The following PRR3 variants were observed in gnomAD, a reference collection of about 807,000 sequenced individuals.
The protein encoded by PRR3 is proline rich 3.
Under a neutral mutation model 22.4 loss-of-function variants are expected in PRR3, and 16 were observed. That is an observed-to-expected ratio of 0.71 (90% CI 0.48 to 1.09). The LOEUF (loss-of-function observed/expected upper bound fraction) is 1.09. PRR3 is among the 50% of genes least tolerant of loss of function. PRR3 has a pLI of 0.00. For synonymous variants in PRR3, 87 were observed against 88.6 expected, an observed-to-expected ratio of 0.98 and a Z score of 0.10; for missense variants, 224 against 243.4, an observed-to-expected ratio of 0.92 and a Z score of 0.53.
In PRR3 at chr6:30,558,182, G is replaced by A. The variant is rs553749642; in HGVS notation, c.139G>A (p.Ala47Thr). 3 of 1,612,982 alleles carry A rather than the reference G, an allele frequency of 1.9e-6. No individual in the cohort carries two copies. Among genetic ancestry groups the A allele is most frequent in the Admixed American group, 3.3e-5 (2 of 60,026 alleles). ...PPSLLGPPPM[A>T]NGKPGDPKSA... ...CAGCCTTCTGGGCCCTCCCCCCATG[G>A]CCAATGGAAAACCTGGCGACCCTAA... Residue 47 changes from alanine to threonine, a missense_variant, in exon 2 of 4, where the codon GCC becomes ACC. By Grantham distance (58) the Ala-to-Thr change is moderately conservative (BLOSUM62 0). Transcript: ENST00000376560.
At chr6:30,556,911 G>T, upstream of PRR3, 2 of 607,484 alleles carry the variant, frequency 3.3e-6, no homozygotes, top group South Asian at 3.9e-5. This position sits in a 1 kb window ranked among gnomAD's most constrained non-coding sequence, Gnocchi z 5.7. Flanking sequence ...AGGACTTTTG[G>T]GGGGAGGTCA....
In PRR3 at chr6:30,561,897, C is replaced by T; in HGVS notation, c.233C>T (p.Pro78Leu). 1 of 1,609,928 alleles carries T rather than the reference C, an allele frequency of 6.2e-7. No homozygotes were observed. The highest frequency in any genetic ancestry group is 8.5e-7 in the Non-Finnish European group (1 of 1,178,640). The change falls in exon 3 of 4, where the codon CCT becomes CTT. Residue 78 changes from proline to leucine, a missense_variant. Coordinates refer to ENST00000376560, the MANE Select transcript of PRR3 (RefSeq NM_025263.4). The surrounding 1 kb of genome is among the most constrained non-coding windows in gnomAD (Gnocchi z 4.0). ...PLIPPLLSLP[P>L]PPWGRGPIRR... ...ATTCCACCACTGCTGAGTCTCCCAC[C>T]TCCTCCTTGGGGTAGAGGCCCAATT... is the stretch of plus-strand genomic sequence containing the variant.
chr6:30,559,120 G>A (rs1800455477), intron 2 of PRR3, among the ~76,000 whole-genome samples: 1 of 152,252 alleles, frequency 6.6e-6, no homozygotes, highest in Non-Finnish European at 1.5e-5. Context: ...GCTCACGCCT[G>A]TAATCCCAGC....
rs1446635239 is a variant in PRR3, at chr6:30,562,006, C to T, written c.342C>T (p.Gly114=). 2 of 1,612,998 alleles carry T rather than the reference C, an allele frequency of 1.2e-6. No homozygotes were observed. The change falls in exon 3 of 4, where the codon GGC becomes GGT. Residue 114 remains glycine, a synonymous_variant. Coordinates refer to ENST00000376560, the MANE Select transcript of PRR3 (RefSeq NM_025263.4). The part of the protein sequence containing the change: ...VNAEPPFPGP[G]HGGPTRGSFH... ...CAGAACCTCCTTTTCCGGGGCCAGG[C>T]CATGGGGGTCCCACCAGGGGAAGCT... is the stretch of plus-strand genomic sequence containing the variant.
chr6:30,557,388 A>G lies in PRR3; in HGVS notation c.44A>G (p.Gln15Arg), dbSNP rs1217885940. 2.5e-6 allele frequency: 4 copies of G among 1,612,660 alleles called. No homozygotes were observed. The African/African-American group carries it at 5.3e-5, about 22-fold the overall frequency. Residue 15 changes from glutamine (Q) to arginine (R), a missense_variant, in exon 1 of 4, where the codon CAG becomes CGG. Physicochemically the swap from Gln to Arg is conservative, Grantham distance 43 (BLOSUM62 1). Coordinates refer to ENST00000376560, the MANE Select transcript of PRR3 (RefSeq NM_025263.4). ...CAGAATCATCACCAGCCACCGACAC[A>G]GCAGCAGCCCCCGCTGCCCGAGCGG... ...KKQNHHQPPT[Q>R]QQPPLPEREE...
chr6:30,556,987 G>A, upstream of PRR3: 3 of 646,440 alleles, frequency 4.6e-6, no homozygotes, highest in Admixed American at 4.7e-5. The surrounding 1 kb of genome is among the most constrained non-coding windows in gnomAD (Gnocchi z 5.7). Context: ...GCGATCTTAC[G>A]GTGCGACAGT....
At position 30,561,958 on chromosome 6, in the gene PRR3, T is replaced by C. The variant is rs759814693; in HGVS notation, c.294T>C (p.Gly98=). Residue 98 remains glycine, a synonymous_variant, in exon 3 of 4, where the codon GGT becomes GGC. Transcript: ENST00000376560. The surrounding 1 kb of genome is among the most constrained non-coding windows in gnomAD (Gnocchi z 4.0). ...RGLGPRSSPY[G]RGWWGVNAEP... ...TTGGCCCCAGGTCTAGCCCATATGG[T>C]CGTGGTTGGTGGGGAGTCAATGCAG... 4 of 1,612,826 alleles carry C rather than the reference T, an allele frequency of 2.5e-6. No homozygotes were observed. The highest frequency in any genetic ancestry group is 3.4e-6 in the Non-Finnish European group (4 of 1,179,986).
chr6:30,562,645 G>T lies in PRR3; in HGVS notation c.*150G>T. ...CCATCCACCACTTCCCCCGTGTGGG[G>T]TCCAGAGTGGTGTTGCATCACTGGT... On this transcript the variant is annotated 3_prime_UTR_variant, in exon 4 of 4. Coordinates refer to ENST00000376560, the MANE Select transcript of PRR3 (RefSeq NM_025263.4). 6.6e-6 allele frequency: 4 copies of T among 609,088 alleles called. No homozygotes were observed. The highest frequency in any genetic ancestry group is 1.2e-5 in the Non-Finnish European group (4 of 344,186). 37.7% of individuals were successfully genotyped at this position (609,088 alleles called of 1,614,324 possible).
upstream of PRR3, chr6:30,557,228 G>A: frequency 1.2e-6 from 1 of 804,088 alleles, no homozygotes; most frequent in Non-Finnish European, 2.1e-6. Flanking sequence ...TCCGGAAGTG[G>A]AATGGCGGGA....
intron 3 of PRR3, 54 bp downstream of exon 3, chr6:30,562,178 G>C (rs558039385): frequency 5.3e-6 from 8 of 1,501,708 alleles, no homozygotes; most frequent in Non-Finnish European, 7.1e-6. Context: ...ATTTTCAGAA[G>C]ATCATTCACA....
At chr6:30,558,615 A>C (rs1340405305) in intron 2 of PRR3, among the ~76,000 whole-genome samples, 1 of 152,136 alleles carries the variant, frequency 6.6e-6, no homozygotes, top group African/African-American at 2.4e-5. Flanking sequence ...CTTTGAGCCC[A>C]GGAGTTTTTG....
At chr6:30,557,496 G>A (rs747396539) in intron 1 of PRR3, 46 bp downstream of exon 1, 6 of 1,379,118 alleles carry the variant, frequency 4.4e-6, no homozygotes, top group African/African-American at 4.3e-5. Flanking sequence ...AAGCCCGTCC[G>A]GGCAAGGGGC....
In PRR3 at chr6:30,562,498, C is replaced by T; in HGVS notation, c.*3C>T. The stretch of plus-strand genomic sequence containing the variant: ...GCGTCAATGGACCTCCTCTGTGAGA[C>T]TGTGCCTTCCCATCCAGGCTGGAAG... On this transcript the variant is annotated 3_prime_UTR_variant, in exon 4 of 4. Coordinates refer to ENST00000376560, the MANE Select transcript of PRR3 (RefSeq NM_025263.4). 1.9e-6 allele frequency: 3 copies of T among 1,569,246 alleles called. No individual in the cohort carries two copies. The highest frequency in any genetic ancestry group is 1.4e-5 in the African/African-American group (1 of 73,940).
Position 30,563,621 on chromosome 6 carries a change from G to GTGA in PRR3, c.*1127_*1129dup, listed in dbSNP as rs1220530099. The GTGA allele has an allele frequency of 6.6e-6, 1 of 152,142 alleles. No homozygotes were observed. Among genetic ancestry groups the GTGA allele is most frequent in the African/African-American group, 2.4e-5 (1 of 41,266 alleles). The allele number at this position is 152,142 out of a possible 1,614,324, so 9.4% of individuals were successfully genotyped here. On this transcript the variant is annotated 3_prime_UTR_variant, in exon 4 of 4. Coordinates refer to ENST00000376560, the MANE Select transcript of PRR3 (RefSeq NM_025263.4). ...GGAGTTGTATTGGCAAGAGGGAGGG[G>GTGA]TGAGAGCTGTTGGAGAACTGAGAAT...
In PRR3 at chr6:30,561,669, G is replaced by A. The variant is rs1800636758; in HGVS notation, c.170-165G>A. The A allele has an allele frequency of 3.1e-6, 2 of 635,738 alleles. No homozygotes were observed. The highest frequency in any genetic ancestry group is 4.1e-5 in the South Asian group (2 of 48,828). 39.4% of individuals were successfully genotyped at this position (635,738 alleles called of 1,614,324 possible). ...GGCTTTATCTCTTCACCTGGTGGTG[G>A]AAACTCAAGTGTGTCTACTTTGTGA... On this transcript the variant is annotated intron_variant, in intron 2 of 3. Coordinates refer to ENST00000376560, the MANE Select transcript of PRR3 (RefSeq NM_025263.4). This position sits in a 1 kb window ranked among gnomAD's most constrained non-coding sequence, Gnocchi z 4.0.
At chr6:30,557,619 T>C (rs1800345990) in intron 1 of PRR3, among the ~76,000 whole-genome samples, 169 bp downstream of exon 1, 1 of 152,236 alleles carries the variant, frequency 6.6e-6, no homozygotes, top group Non-Finnish European at 1.5e-5. Flanking sequence ...CCAGGAGTTC[T>C]CTTACTGGAA....
intron 1 of PRR3, among the ~76,000 whole-genome samples, 200 bp from the exon 2 acceptor site, chr6:30,557,950 A>T (rs1056403679): frequency 2.0e-5 from 3 of 152,230 alleles, no homozygotes; most frequent in Non-Finnish European, 4.4e-5. Context: ...CTTTGATTGA[A>T]TATCTACTTT....
intron 2 of PRR3, chr6:30,560,480 T>C (rs1800554873): frequency 6.6e-6 from 1 of 151,590 alleles, no homozygotes; most frequent in Non-Finnish European, 1.5e-5. Context: ...AGTTTCAGTT[T>C]TGCAAGATAA....
Position 30,561,836 on chromosome 6 carries a change from C to A in PRR3, c.172C>A (p.Leu58Ile). 1 of 1,551,484 alleles carries A rather than the reference C, an allele frequency of 6.4e-7. No individual in the cohort carries two copies. The highest frequency in any genetic ancestry group is 1.2e-5 in the South Asian group (1 of 84,206). ...TCTCTCTCTCTCTCTCTCTCCAGCT[C>A]TTCACAGAGGTCCTCCAGGATCAAG... ...NGKPGDPKSA[L>I]HRGPPGSRGP... Residue 58 changes from leucine (L) to isoleucine (I), a missense_variant and splice_region_variant, in exon 3 of 4, where the codon CTT (leucine) becomes ATT (isoleucine). Physicochemically the swap from Leu to Ile is conservative, Grantham distance 5. Coordinates refer to ENST00000376560, the MANE Select transcript of PRR3 (RefSeq NM_025263.4). The surrounding 1 kb of genome is among the most constrained non-coding windows in gnomAD (Gnocchi z 4.0).
Sources: allele counts gnomAD v4.1 joint callset (sites outside exome capture counted in the v4.1 genomes callset), GRCh38; gene constraint gnomAD v4.1.1; non-coding constraint Gnocchi (gnomAD v3.1); transcripts MANE v1.5; gene names NCBI Gene and HGNC (gene_info 2026-07-23, HGNC 2026-07-21).